PRDM16: variants seen among roughly 807,000 people sequenced by gnomAD.
PRDM16 encodes the protein PR/SET domain 16, also known as histone-lysine N-methyltransferase PRDM16.
Under a neutral mutation model 110.6 loss-of-function variants are expected in PRDM16, and 23 were observed. The observed-to-expected ratio is 0.21, with a 90% CI of 0.15 to 0.29. PRDM16 has a LOEUF of 0.29. PRDM16 is among the 10% of genes least tolerant of loss of function. The pLI is 1.00. For missense variants in PRDM16, 1,615 were observed against 1,794.3 expected, an observed-to-expected ratio of 0.90 and a Z score of 1.81; for synonymous variants, 799 against 781.8, an observed-to-expected ratio of 1.02 and a Z score of -0.37.
At chr1:3,094,298 A>T (rs766572682) in intron 1 of PRDM16, among the ~76,000 whole-genome samples, 7 of 152,206 alleles carry the variant, frequency 4.6e-5, no homozygotes, top group Non-Finnish European at 7.3e-5. Context: ...GGTGGCTCCT[A>T]AGCACCCCTT....
chr1:3,126,787 C>A (rs1025016241), intron 1 of PRDM16, among the ~76,000 whole-genome samples: 5 of 152,210 alleles, frequency 3.3e-5, no homozygotes, highest in South Asian at 2.1e-4. Flanking sequence ...ATGGTCACAG[C>A]ACCTCGAAAA....
At chr1:3,235,085 A>G (rs1298049738) in intron 2 of PRDM16, among the ~76,000 whole-genome samples, 1 of 152,228 alleles carries the variant, frequency 6.6e-6, no homozygotes, top group African/African-American at 2.4e-5. Context: ...TGTCCCTGGG[A>G]TCGGCTCCAC....
chr1:3,242,543 G>T (rs1044199627), intron 2 of PRDM16, among the ~76,000 whole-genome samples: 1 of 152,134 alleles, frequency 6.6e-6, no homozygotes, highest in Non-Finnish European at 1.5e-5. Flanking sequence ...AGCACGCCTC[G>T]GCCCCGCAGG....
intron 2 of PRDM16, among the ~76,000 whole-genome samples, chr1:3,236,151 C>T (rs1418843259): frequency 1.3e-5 from 2 of 152,202 alleles, no homozygotes; most frequent in African/African-American, 2.4e-5. Flanking sequence ...GCCCCCAACT[C>T]TACCTTGTGC....
intron 1 of PRDM16, among the ~76,000 whole-genome samples, 197 bp from the exon 2 acceptor site, chr1:3,185,928 C>T (rs1436523685): frequency 6.6e-6 from 1 of 152,354 alleles, no homozygotes; most frequent in African/African-American, 2.4e-5. Flanking sequence ...TCCTCTGGAG[C>T]CTCTGACATC....
At position 3,318,756 on chromosome 1, in the gene PRDM16, AT is replaced by A. The variant is rs747805830; in HGVS notation, c.439-66395del. 5.3e-5 allele frequency among the ~76,000 whole-genome samples: 8 copies of A among 152,238 alleles called. No individual in the cohort carries two copies. In the South Asian group the frequency reaches 1.4e-3, roughly 28 times the overall value. Reference sequence around the variant, plus strand: ...AATTGCAAGTCACAGAAATGAACTTATCCCCCCAGCATCATCTGGATGACTA... The same window carrying A: ...AATTGCAAGTCACAGAAATGAACTTACCCCCCAGCATCATCTGGATGACTA... On this transcript the variant is annotated intron_variant, in intron 3 of 16. Coordinates refer to ENST00000270722, the MANE Select transcript of PRDM16 (RefSeq NM_022114.4).
intron 1 of PRDM16, among the ~76,000 whole-genome samples, chr1:3,171,643 T>C (rs1279403633): frequency 2.6e-5 from 4 of 152,216 alleles, no homozygotes; most frequent in Non-Finnish European, 5.9e-5. Context: ...CTGAGCTGGC[T>C]CCTGTCCTGC....
intron 3 of PRDM16, among the ~76,000 whole-genome samples, chr1:3,313,695 C>T (rs569935580): frequency 6.0e-4 from 92 of 152,354 alleles, no homozygotes; most frequent in South Asian, 1.0e-3. Context: ...CCGCCAGTGC[C>T]GCAGTTGCTG....
chr1:3,083,739 G>A (rs911102547), intron 1 of PRDM16, among the ~76,000 whole-genome samples: 3 of 152,132 alleles, frequency 2.0e-5, no homozygotes, highest in African/African-American at 7.2e-5. Flanking sequence ...GCTGAGAGGG[G>A]AAGAGCTGTT....
Position 3,412,054 on chromosome 1 carries a change from G to A in PRDM16, c.1857G>A (p.Thr619=), listed in dbSNP as rs200560787. The A allele has an allele frequency of 3.5e-5, 57 of 1,610,390 alleles. 1 individual carries two copies. Among genetic ancestry groups the A allele is most frequent in the African/African-American group, 1.3e-5 (1 of 74,866 alleles). The part of the protein sequence containing the change: ...TTTGTDLDTT[T]GTGSDLDSDV... ...CGGGGACCGACCTGGACACGACCAC[G>A]GGGACGGGCTCGGACCTGGACAGCG... The change falls in exon 9 of 17, where the codon ACG becomes ACA. Residue 619 remains threonine, a synonymous_variant. Transcript: ENST00000270722.
At chr1:3,409,085 G>T (rs1569717126) in intron 8 of PRDM16, among the ~76,000 whole-genome samples, 1 of 151,312 alleles carries the variant, frequency 6.6e-6, no homozygotes, top group East Asian at 2.0e-4. Flanking sequence ...GCGTGAGTGT[G>T]GGCGCGTGTC....
At chr1:3,103,396 C>T (rs543645954) in intron 1 of PRDM16, among the ~76,000 whole-genome samples, 352 of 152,312 alleles carry the variant, frequency 2.3e-3, no homozygotes, top group African/African-American at 8.0e-3. Context: ...TTACCTTAGT[C>T]GTCTCTTTAG....
intron 3 of PRDM16, among the ~76,000 whole-genome samples, chr1:3,364,068 C>G (rs1326199331): frequency 1.3e-5 from 2 of 152,128 alleles, no homozygotes; most frequent in Non-Finnish European, 2.9e-5. Flanking sequence ...CATCTTGTTG[C>G]ACGTGGCCTC....
intron 3 of PRDM16, among the ~76,000 whole-genome samples, chr1:3,352,414 C>T (rs1386494327): frequency 8.5e-5 from 13 of 152,186 alleles, no homozygotes; most frequent in Non-Finnish European, 1.2e-4. Context: ...CCTCCGAAGC[C>T]GGCGCCCCCC....
At chr1:3,138,188 A>G (rs949930106) in intron 1 of PRDM16, among the ~76,000 whole-genome samples, 45 of 152,124 alleles carry the variant, frequency 3.0e-4, no homozygotes, top group African/African-American at 1.1e-3. Context: ...TCCCCCTCCT[A>G]TAATCCTGGG....
chr1:3,178,562 C>A (rs2376495), intron 1 of PRDM16, among the ~76,000 whole-genome samples: 2 of 152,070 alleles, frequency 1.3e-5, no homozygotes, highest in Non-Finnish European at 2.9e-5. Context: ...CTTGAAAAAC[C>A]TCAGGGTCAA....
At chr1:3,401,738 C>G (rs1444894551) in intron 5 of PRDM16, among the ~76,000 whole-genome samples, 2 of 152,262 alleles carry the variant, frequency 1.3e-5, no homozygotes, top group African/African-American at 4.8e-5. Flanking sequence ...ATACATAACA[C>G]AAATGCACAC....
chr1:3,298,037 A>G (rs1248935301), intron 3 of PRDM16, among the ~76,000 whole-genome samples: 1 of 145,488 alleles, frequency 6.9e-6, no homozygotes, highest in Non-Finnish European at 1.5e-5. Flanking sequence ...CCCAAGGTAC[A>G]CTAAGGAAGC....
intron 3 of PRDM16, among the ~76,000 whole-genome samples, chr1:3,277,451 G>C (rs1358967999): frequency 6.6e-6 from 1 of 152,222 alleles, no homozygotes; most frequent in African/African-American, 2.4e-5. Flanking sequence ...CACTTGCTCA[G>C]GCCTCTCCTC....
Sources: allele counts gnomAD v4.1 joint callset (sites outside exome capture counted in the v4.1 genomes callset), GRCh38; gene constraint gnomAD v4.1.1; transcripts MANE v1.5; gene names NCBI Gene and HGNC (gene_info 2026-07-23, HGNC 2026-07-21).